Variants in CSNK1G2 observed in about 807,000 individuals in gnomAD.
The protein encoded by CSNK1G2 is casein kinase 1 gamma 2, also known as casein kinase I isoform gamma-2.
In CSNK1G2, 11 loss-of-function variants were observed where a neutral mutation model predicts 48.0. The ratio of observed to expected loss-of-function variants is 0.23; its 90% CI spans 0.14 to 0.38. The LOEUF is 0.38. Among genes scored for constraint, CSNK1G2 ranks in the 10% least tolerant of loss-of-function variants. The pLI is 1.00. For missense variants in CSNK1G2, 446 were observed against 595.5 expected (o/e 0.75, Z 2.61); for synonymous variants, 337 against 254.1 (o/e 1.33, Z -3.10).
Position 1,958,119 on chromosome 19 carries a change from G to T in CSNK1G2, c.-265-11389G>T, listed in dbSNP as rs923540338. ...GCCCCTCCCGAGCAGGTCTGGAGGC[G>T]TTGGAAGCACAGCGCAGCCTCATGG... On this transcript the variant is annotated intron_variant, in intron 1 of 11. Transcript: ENST00000255641. 5.9e-5 allele frequency among the ~76,000 whole-genome samples: 9 copies of T among 152,208 alleles called. No individual in the cohort carries two copies. The East Asian group carries it at 1.7e-3, about 29-fold the overall frequency.
chr19:1,958,065 C>G (rs1438453545), intron 1 of CSNK1G2, among the ~76,000 whole-genome samples: 1 of 152,098 alleles, frequency 6.6e-6, no homozygotes, highest in African/African-American at 2.4e-5. Flanking sequence ...TAATGGGACA[C>G]CTGAGGGACA....
chr19:1,973,128 C>T (rs918523208), intron 2 of CSNK1G2, among the ~76,000 whole-genome samples: 5 of 150,698 alleles, frequency 3.3e-5, no homozygotes, highest in African/African-American at 7.3e-5. Flanking sequence ...GGGGTTTCGC[C>T]GTGTTAGCCA....
chr19:1,953,966 G>T (rs540055389), intron 1 of CSNK1G2: 3 of 533,896 alleles, frequency 5.6e-6, no homozygotes, highest in Admixed American at 3.9e-5. Flanking sequence ...CATGGACGGG[G>T]CCTTCTCGTG....
chr19:1,947,238 C>G (rs951334322), intron 1 of CSNK1G2, among the ~76,000 whole-genome samples: 4 of 152,228 alleles, frequency 2.6e-5, no homozygotes, highest in Admixed American at 2.6e-4. Context: ...GATTCGTGGA[C>G]AGAGTCCCTG....
chr19:1,949,495 TGA>T (rs1355689042), intron 1 of CSNK1G2, among the ~76,000 whole-genome samples: 1 of 152,234 alleles, frequency 6.6e-6, no homozygotes, highest in Non-Finnish European at 1.5e-5. Flanking sequence ...TGTTCGTGGC[TGA>T]GTCGTGTTCC....
chr19:1,946,109 G>A (rs1160019118), intron 1 of CSNK1G2, among the ~76,000 whole-genome samples: 2 of 152,086 alleles, frequency 1.3e-5, no homozygotes, highest in Non-Finnish European at 2.9e-5. Flanking sequence ...CCTATCCCGG[G>A]GAGGTCACTC....
At chr19:1,942,905 C>T (rs2014421366) in intron 1 of CSNK1G2, among the ~76,000 whole-genome samples, 2 of 152,178 alleles carry the variant, frequency 1.3e-5, no homozygotes, top group Non-Finnish European at 2.9e-5. Flanking sequence ...TGATGAGTTT[C>T]CCAGGCAGGC....
intron 1 of CSNK1G2, among the ~76,000 whole-genome samples, chr19:1,964,180 C>G (rs2015290339): frequency 6.6e-6 from 1 of 151,778 alleles, no homozygotes; most frequent in South Asian, 2.1e-4. Flanking sequence ...GTAGTTCCAG[C>G]TACTCTGGAG....
chr19:1,971,930 C>T (rs542427113), intron 2 of CSNK1G2, among the ~76,000 whole-genome samples: 4 of 152,118 alleles, frequency 2.6e-5, no homozygotes, highest in Non-Finnish European at 4.4e-5. Context: ...CCACCACACC[C>T]GGCTAATATT....
chr19:1,960,714 C>T (rs1245392428), intron 1 of CSNK1G2, among the ~76,000 whole-genome samples: 3 of 152,114 alleles, frequency 2.0e-5, no homozygotes, highest in Non-Finnish European at 4.4e-5. Context: ...GTGGCAAAAC[C>T]TTGTCTCTAC....
intron 1 of CSNK1G2, among the ~76,000 whole-genome samples, chr19:1,961,544 C>T (rs1232894250): frequency 1.3e-5 from 2 of 152,232 alleles, no homozygotes; most frequent in African/African-American, 4.8e-5. Context: ...GATCCCAGGA[C>T]AGTGGAGCCT....
intron 2 of CSNK1G2, among the ~76,000 whole-genome samples, chr19:1,971,676 C>T (rs2015575363): frequency 6.6e-6 from 1 of 151,836 alleles, no homozygotes; most frequent in Non-Finnish European, 1.5e-5. Flanking sequence ...ACCCAGATGG[C>T]TATGTGGGTC....
intron 1 of CSNK1G2, chr19:1,942,363 G>A (rs1456554070): frequency 6.6e-6 from 1 of 152,444 alleles, no homozygotes; most frequent in African/African-American, 2.4e-5. Flanking sequence ...ATGGCTTTGG[G>A]ACAGCTGGTT....
chr19:1,967,584 C>T lies in CSNK1G2; in HGVS notation c.-265-1924C>T, dbSNP rs114548391. Reference sequence around the variant, plus strand: ...CCTGGGCGGGTACCTGGCTTGAGGGCGACGAGGTGACAGCCGCGTCCCTGG... The same window carrying T: ...CCTGGGCGGGTACCTGGCTTGAGGGTGACGAGGTGACAGCCGCGTCCCTGG... On this transcript the variant is annotated intron_variant, in intron 1 of 11. Coordinates refer to ENST00000255641, the MANE Select transcript of CSNK1G2 (RefSeq NM_001319.7). 6.9e-3 allele frequency among the ~76,000 whole-genome samples: 1,050 copies of T among 152,104 alleles called. 9 individuals carry two copies. The highest frequency in any genetic ancestry group is 0.024 in the African/African-American group (992 of 41,412).
chr19:1,942,268 T>TC (rs2014395796), intron 1 of CSNK1G2, among the ~76,000 whole-genome samples: 1 of 152,204 alleles, frequency 6.6e-6, no homozygotes, highest in Non-Finnish European at 1.5e-5. Context: ...GGCTCCTCTC[T>TC]CCCAACTTTC....
chr19:1,948,386 G>A (rs1343897284), intron 1 of CSNK1G2, among the ~76,000 whole-genome samples: 4 of 152,298 alleles, frequency 2.6e-5, no homozygotes, highest in South Asian at 2.1e-4. Flanking sequence ...AGCCGGGCGC[G>A]GTGGCAGGCG....
intron 1 of CSNK1G2, among the ~76,000 whole-genome samples, chr19:1,943,841 CA>C (rs1413496952): frequency 5.3e-5 from 8 of 152,332 alleles, no homozygotes; most frequent in African/African-American, 1.9e-4. Flanking sequence ...CCCAGGCCCC[CA>C]GGGGCTCATG....
chr19:1,974,025 T>C lies in CSNK1G2; in HGVS notation c.187+4066T>C, dbSNP rs572867127. ...GCCTCAGCCTCCCGAGTAGCTGGGA[T>C]TACAGGCGCCCGTCACCACACCCAG... is the stretch of plus-strand genomic sequence containing the variant. On this transcript the variant is annotated intron_variant, in intron 2 of 11. Coordinates refer to ENST00000255641, the MANE Select transcript of CSNK1G2 (RefSeq NM_001319.7). 2.2e-4 allele frequency among the ~76,000 whole-genome samples: 34 copies of C among 152,148 alleles called. 1 individual carries two copies. Among genetic ancestry groups the C allele is most frequent in the Non-Finnish European group, 3.8e-4 (26 of 67,990 alleles).
chr19:1,970,597 C>T (rs1486242674), intron 2 of CSNK1G2, among the ~76,000 whole-genome samples: 2 of 152,190 alleles, frequency 1.3e-5, no homozygotes, highest in Non-Finnish European at 2.9e-5. Flanking sequence ...TGAAGATGAC[C>T]ATCAGGCCTG....
Sources: allele counts gnomAD v4.1 joint callset (sites outside exome capture counted in the v4.1 genomes callset), GRCh38; gene constraint gnomAD v4.1.1; transcripts MANE v1.5; gene names NCBI Gene and HGNC (gene_info 2026-07-23, HGNC 2026-07-21).